ARB2A: variants seen among roughly 807,000 people sequenced by gnomAD.
ARB2A encodes cotranscriptional regulator ARB2A.
the ARB2A span, among the ~76,000 whole-genome samples, chr5:94,046,657 T>C: frequency 6.6e-6 from 1 of 152,164 alleles, no homozygotes; most frequent in Non-Finnish European, 1.5e-5. Context: ...AAGAGTAAAG[T>C]AGTACATTTA....
chr5:93,763,363 A>T, the ARB2A span, among the ~76,000 whole-genome samples: 1 of 152,198 alleles, frequency 6.6e-6, no homozygotes, highest in African/African-American at 2.4e-5. Flanking sequence ...TCTACCAAGC[A>T]AATGGAAAAC....
chr5:93,749,325 C>A, the ARB2A span, among the ~76,000 whole-genome samples: 1 of 152,148 alleles, frequency 6.6e-6, no homozygotes, highest in African/African-American at 2.4e-5. Context: ...GTTATTCACA[C>A]AGAGATCTGT....
chr5:93,889,199 GT>G, the ARB2A span, among the ~76,000 whole-genome samples: 1 of 151,686 alleles, frequency 6.6e-6, no homozygotes, highest in African/African-American at 2.4e-5. Context: ...ACTTTAAATG[GT>G]AAGTTAAGTT....
At chr5:93,669,452 T>C in the ARB2A span, among the ~76,000 whole-genome samples, 1 of 152,032 alleles carries the variant, frequency 6.6e-6, no homozygotes, top group Admixed American at 6.5e-5. Context: ...TGGGGCTAAC[T>C]AGAGAAACCT....
At chr5:94,075,984 T>C in the ARB2A span, among the ~76,000 whole-genome samples, 1 of 152,170 alleles carries the variant, frequency 6.6e-6, no homozygotes, top group South Asian at 2.1e-4. Flanking sequence ...GAAATGATAA[T>C]CATGTTTCCC....
At chr5:93,929,580 A>C in the ARB2A span, among the ~76,000 whole-genome samples, 1 of 152,198 alleles carries the variant, frequency 6.6e-6, no homozygotes, top group Non-Finnish European at 1.5e-5. Context: ...CTCACAAAAA[A>C]AGTAAAGCAA....
the ARB2A span, among the ~76,000 whole-genome samples, chr5:94,020,243 G>A: frequency 4.1e-5 from 6 of 145,390 alleles, no homozygotes; most frequent in South Asian, 4.3e-4. Context: ...GACACGGGGC[G>A]GGGGGGGTAA....
chr5:93,850,340 C>G, the ARB2A span, among the ~76,000 whole-genome samples: 2 of 152,126 alleles, frequency 1.3e-5, no homozygotes, highest in African/African-American at 4.8e-5. Context: ...ATCTAAGGAG[C>G]AGATACAACC....
the ARB2A span, among the ~76,000 whole-genome samples, chr5:93,875,812 A>G: frequency 1.3e-5 from 2 of 152,008 alleles, no homozygotes; most frequent in Non-Finnish European, 2.9e-5. Flanking sequence ...AAAAAAAAAA[A>G]AGAGACTAAA....
the ARB2A span, among the ~76,000 whole-genome samples, chr5:93,638,872 C>A: frequency 6.6e-6 from 1 of 151,966 alleles, no homozygotes; most frequent in African/African-American, 2.4e-5. Context: ...GATTTTGTAT[C>A]CAGCAACCTT....
At chr5:93,742,658 A>G in the ARB2A span, among the ~76,000 whole-genome samples, 2 of 152,130 alleles carry the variant, frequency 1.3e-5, no homozygotes, top group African/African-American at 4.8e-5. Flanking sequence ...CCCCACCCAC[A>G]TCTATTGAAA....
At chr5:93,772,323 G>A in the ARB2A span, among the ~76,000 whole-genome samples, 18 of 152,114 alleles carry the variant, frequency 1.2e-4, no homozygotes, top group Non-Finnish European at 2.5e-4. Flanking sequence ...GGTGGAGCGG[G>A]GAGGGATAGC....
At chr5:93,947,126 A>G in the ARB2A span, among the ~76,000 whole-genome samples, 109 of 152,262 alleles carry the variant, frequency 7.2e-4, no homozygotes, top group Admixed American at 1.4e-3. Context: ...TTCTTCATAT[A>G]ATCTGTAGTT....
chr5:93,989,898 T>C, the ARB2A span, among the ~76,000 whole-genome samples: 2 of 152,164 alleles, frequency 1.3e-5, no homozygotes, highest in African/African-American at 4.8e-5. Context: ...TTTTATCTTT[T>C]CTTGTTTCCT....
At chr5:93,752,359 A>G in the ARB2A span, among the ~76,000 whole-genome samples, 1 of 152,218 alleles carries the variant, frequency 6.6e-6, no homozygotes, top group Non-Finnish European at 1.5e-5. Context: ...CTCAAAACTT[A>G]TAATTTTAAG....
At chr5:94,065,262 T>A in the ARB2A span, among the ~76,000 whole-genome samples, 1 of 152,138 alleles carries the variant, frequency 6.6e-6, no homozygotes, top group African/African-American at 2.4e-5. Flanking sequence ...GCCTGTAATC[T>A]CAGCACTTTG....
the ARB2A span, among the ~76,000 whole-genome samples, chr5:93,698,941 CAGG>C: frequency 2.6e-5 from 4 of 152,136 alleles, no homozygotes. Context: ...TTCCAGGTTA[CAGG>C]AGATAGAATT....
At chr5:93,892,935 C>G in the ARB2A span, among the ~76,000 whole-genome samples, 1 of 152,076 alleles carries the variant, frequency 6.6e-6, no homozygotes, top group African/African-American at 2.4e-5. Context: ...TGTTTTAAGT[C>G]TCAAAAAATT....
At chr5:93,799,414 C>T in the ARB2A span, among the ~76,000 whole-genome samples, 1 of 152,002 alleles carries the variant, frequency 6.6e-6, no homozygotes, top group Non-Finnish European at 1.5e-5. Context: ...TGTCAGTTTC[C>T]ATCTTTTCTA....
Sources: allele counts gnomAD v4.1 joint callset (sites outside exome capture counted in the v4.1 genomes callset), GRCh38; gene constraint gnomAD v4.1.1; transcripts MANE v1.5; gene names NCBI Gene and HGNC (gene_info 2026-07-23, HGNC 2026-07-21).